The following SLC22A23 variants were observed in gnomAD, a reference collection of about 807,000 sequenced individuals.
SLC22A23 encodes ion transporter protein.
In SLC22A23, 26 loss-of-function variants were observed where a neutral mutation model predicts 61.0. The observed-to-expected ratio is 0.43, with a 90% CI of 0.31 to 0.59. SLC22A23 has a LOEUF of 0.59. Ranked by LOEUF, SLC22A23 falls within the 20% of genes least tolerant of loss-of-function variation. The probability of loss-of-function intolerance (pLI) is 0.11; values close to 1 mark genes in which losing one functional copy is unlikely to be tolerated. For synonymous variants in SLC22A23, 430 were observed against 413.9 expected, an observed-to-expected ratio of 1.04 and a Z score of -0.47; for missense variants, 796 against 934.7, an observed-to-expected ratio of 0.85 and a Z score of 1.94.
Position 3,327,068 on chromosome 6 carries a change from G to C in SLC22A23, c.914-3066C>G, listed in dbSNP as rs550573844. On this transcript the variant is annotated intron_variant, in intron 3 of 9. Transcript: ENST00000406686. This position sits in a 1 kb window ranked among gnomAD's most constrained non-coding sequence, Gnocchi z 4.1. ...GAGGGACGGGGACTGCAGGTGGATC[G>C]TTTCTGCTGGGAGGGACGGGGACTG... 9.3e-5 allele frequency among the ~76,000 whole-genome samples: 14 copies of C among 149,904 alleles called. No individual in the cohort carries two copies. Among genetic ancestry groups the C allele is most frequent in the Non-Finnish European group, 1.8e-4 (12 of 67,912 alleles).
intron 3 of SLC22A23, among the ~76,000 whole-genome samples, chr6:3,393,534 T>C (rs1169289568): frequency 1.3e-5 from 2 of 152,222 alleles, no homozygotes; most frequent in Non-Finnish European, 2.9e-5. Context: ...AGCTCTGACC[T>C]AAACCCTCCT....
chr6:3,417,610 T>C (rs1769815697), intron 1 of SLC22A23, among the ~76,000 whole-genome samples: 1 of 152,212 alleles, frequency 6.6e-6, no homozygotes, highest in African/African-American at 2.4e-5. Context: ...AGGCAAGTTC[T>C]TGGGCCCCAT....
In SLC22A23 at chr6:3,456,303, G is replaced by C; in HGVS notation, c.257C>G (p.Pro86Arg). Residue 86 changes from proline to arginine, a missense_variant, in exon 1 of 10, where the codon CCC (proline) becomes CGC (arginine). Transcript: ENST00000406686. The surrounding 1 kb of genome is among the most constrained non-coding windows in gnomAD (Gnocchi z 7.1). ...LLLDYDGSVL[P>R]FLGGLGGGYQ... The stretch of plus-strand genomic sequence containing the variant: ...GCCCCCGCCCAGGCCCCCGAGGAAG[G>C]GCAGCACCGACCCGTCATAGTCCAG... 1 of 1,550,820 alleles carries C rather than the reference G, an allele frequency of 6.4e-7. No homozygotes were observed. The highest frequency in any genetic ancestry group is 2.4e-5 in the East Asian group (1 of 40,950).
At position 3,387,412 on chromosome 6, in the gene SLC22A23, C is replaced by T. The variant is rs1767381173; in HGVS notation, c.913+22776G>A. ...ACCCGTTACACCACTGTCCTCATCA[C>T]AGTGTTAAGGTCACAAAAGACAAAC... On this transcript the variant is annotated intron_variant, in intron 3 of 9. Coordinates refer to ENST00000406686, the MANE Select transcript of SLC22A23 (RefSeq NM_015482.2). This position sits in a 1 kb window ranked among gnomAD's most constrained non-coding sequence, Gnocchi z 5.0. Among the ~76,000 whole-genome samples, 1 of 152,224 alleles carries T rather than the reference C, an allele frequency of 6.6e-6. No homozygotes were observed. Among genetic ancestry groups the T allele is most frequent in the African/African-American group, 2.4e-5 (1 of 41,446 alleles).
Position 3,304,697 on chromosome 6 carries a change from C to T in SLC22A23, c.1083-6479G>A, listed in dbSNP as rs372079818. 5.3e-5 allele frequency among the ~76,000 whole-genome samples: 8 copies of T among 151,914 alleles called. No individual in the cohort carries two copies. Among genetic ancestry groups the T allele is most frequent in the African/African-American group, 1.4e-4 (6 of 41,398 alleles). Reference sequence around the variant, plus strand: ...TGGTCAGGGGAGGCTCTGGAGAGGCCGGGCTCTGCTTGGACCGTCTTGGAA... The same window carrying T: ...TGGTCAGGGGAGGCTCTGGAGAGGCTGGGCTCTGCTTGGACCGTCTTGGAA... On this transcript the variant is annotated intron_variant, in intron 4 of 9. Transcript: ENST00000406686. This position sits in a 1 kb window ranked among gnomAD's most constrained non-coding sequence, Gnocchi z 4.3.
At chr6:3,448,582 C>T (rs1415443862) in intron 1 of SLC22A23, among the ~76,000 whole-genome samples, 1 of 152,134 alleles carries the variant, frequency 6.6e-6, no homozygotes, top group Non-Finnish European at 1.5e-5. Flanking sequence ...CAAGCTCCGC[C>T]TCCCGAGTTC....
intron 6 of SLC22A23, among the ~76,000 whole-genome samples, chr6:3,288,137 CTGA>C (rs1760224310): frequency 6.6e-6 from 1 of 152,216 alleles, no homozygotes; most frequent in African/African-American, 2.4e-5. Context: ...ACGGAGGCTG[CTGA>C]TGGCCATCCA....
chr6:3,319,504 C>T (rs900536610), intron 4 of SLC22A23, among the ~76,000 whole-genome samples: 5 of 152,154 alleles, frequency 3.3e-5, no homozygotes, highest in Non-Finnish European at 5.9e-5. Context: ...GCCTCTGCCC[C>T]ACAATGTGCT....
At chr6:3,323,521 A>G (rs1763088992) in intron 4 of SLC22A23, 1 of 452,740 alleles carries the variant, frequency 2.2e-6, no homozygotes, top group Non-Finnish European at 4.1e-6. Flanking sequence ...CCATTCATAA[A>G]AATTCATGTC....
chr6:3,299,969 G>A (rs1387223609), intron 4 of SLC22A23, among the ~76,000 whole-genome samples: 2 of 145,170 alleles, frequency 1.4e-5, no homozygotes, highest in South Asian at 2.2e-4. Flanking sequence ...TGTAAGTACC[G>A]AACACCTGCT....
chr6:3,323,774 G>C (rs779480290), intron 4 of SLC22A23, 60 bp downstream of exon 4: 2 of 1,540,236 alleles, frequency 1.3e-6, no homozygotes, highest in Non-Finnish European at 1.8e-6. Context: ...GCCCGGGGCC[G>C]GGCCTTCAGG....
chr6:3,284,937 T>C (rs1381318219), intron 8 of SLC22A23, 142 bp downstream of exon 8: 1 of 1,544,774 alleles, frequency 6.5e-7, no homozygotes, highest in Admixed American at 2.0e-5. Flanking sequence ...GTGTCCAACC[T>C]ACGGCCAACT....
At chr6:3,353,980 C>T (rs569972822) in intron 3 of SLC22A23, among the ~76,000 whole-genome samples, 1 of 152,310 alleles carries the variant, frequency 6.6e-6, no homozygotes, top group African/African-American at 2.4e-5. Context: ...TAAGAAGGCA[C>T]AAGGAAAAAT....
chr6:3,442,827 A>C (rs1044479824), intron 1 of SLC22A23, among the ~76,000 whole-genome samples: 1 of 152,072 alleles, frequency 6.6e-6, no homozygotes, highest in African/African-American at 2.4e-5. Context: ...AAAAAAAAAA[A>C]ACACCTGATA....
chr6:3,291,915 G>A (rs944502425), intron 5 of SLC22A23: 3 of 152,190 alleles, frequency 2.0e-5, no homozygotes, highest in Admixed American at 6.5e-5. Flanking sequence ...TAAGTATGAT[G>A]TTAAAGAAGC....
intron 1 of SLC22A23, among the ~76,000 whole-genome samples, chr6:3,442,754 G>T (rs17250853): frequency 0.16 from 23,967 of 151,754 alleles, 2,093 homozygotes; most frequent in Non-Finnish European, 0.19. Flanking sequence ...AAGAAATAAA[G>T]CACGACTGTT....
chr6:3,371,604 AC>A (rs1276059665), intron 3 of SLC22A23, among the ~76,000 whole-genome samples: 1 of 152,114 alleles, frequency 6.6e-6, no homozygotes, highest in Non-Finnish European at 1.5e-5. Flanking sequence ...AACTTCCTGA[AC>A]CTCAGTTTTC....
chr6:3,447,485 T>C (rs1212844103), intron 1 of SLC22A23, among the ~76,000 whole-genome samples: 1 of 152,124 alleles, frequency 6.6e-6, no homozygotes, highest in Non-Finnish European at 1.5e-5. Context: ...CTGAGCTGTC[T>C]ACTTTCACAT....
intron 3 of SLC22A23, among the ~76,000 whole-genome samples, chr6:3,400,014 G>T (rs1476957566): frequency 1.3e-5 from 2 of 152,126 alleles, no homozygotes; most frequent in Non-Finnish European, 2.9e-5. Context: ...AAGTAGCTGG[G>T]ATTACAGGCA....
Sources: allele counts gnomAD v4.1 joint callset (sites outside exome capture counted in the v4.1 genomes callset), GRCh38; gene constraint gnomAD v4.1.1; non-coding constraint Gnocchi (gnomAD v3.1); transcripts MANE v1.5; gene names NCBI Gene and HGNC (gene_info 2026-07-23, HGNC 2026-07-21).